RASGRF2: variants seen among roughly 807,000 people sequenced by gnomAD.
The protein encoded by RASGRF2 is Ras protein specific guanine nucleotide releasing factor 2, also known as ras-specific guanine nucleotide-releasing factor 2.
Under a neutral mutation model 151.0 loss-of-function variants are expected in RASGRF2, and 76 were observed. The observed-to-expected ratio is 0.50, with a 90% CI of 0.42 to 0.61. The LOEUF is 0.61. Among genes scored for constraint, RASGRF2 ranks in the 20% least tolerant of loss-of-function variants. The pLI is 0.00. For synonymous variants in RASGRF2, 504 were observed against 566.5 expected, an observed-to-expected ratio of 0.89 and a Z score of 1.57; for missense variants, 1,148 against 1,564.6, an observed-to-expected ratio of 0.73 and a Z score of 4.49.
Position 81,053,685 on chromosome 5 carries a change from C to G in RASGRF2, c.395+10702C>G, listed in dbSNP as rs183225191. The stretch of plus-strand genomic sequence containing the variant: ...CAAATGGTATTTCTAGTTCTAGATC[C>G]CTGAGGAATCGCCACACTGTCTTCC... On this transcript the variant is annotated intron_variant, in intron 2 of 26. Coordinates refer to ENST00000265080, the MANE Select transcript of RASGRF2 (RefSeq NM_006909.3). Among the ~76,000 whole-genome samples the G allele has an allele frequency of 5.8e-3, 887 of 152,200 alleles. 6 individuals carry two copies. The highest frequency in any genetic ancestry group is 6.6e-3 in the Non-Finnish European group (448 of 68,018).
chr5:81,206,600 C>T (rs1191620186), intron 19 of RASGRF2, among the ~76,000 whole-genome samples: 1 of 152,194 alleles, frequency 6.6e-6, no homozygotes, highest in African/African-American at 2.4e-5. Flanking sequence ...GTTTCATTTA[C>T]AACCTTGTAT....
chr5:81,142,994 G>A (rs952761952), intron 17 of RASGRF2, among the ~76,000 whole-genome samples: 13 of 152,168 alleles, frequency 8.5e-5, no homozygotes, highest in African/African-American at 2.6e-4. Flanking sequence ...TTATATCTTG[G>A]TTCTGTAGAA....
intron 17 of RASGRF2, among the ~76,000 whole-genome samples, chr5:81,176,777 C>A (rs1168401355): frequency 3.3e-5 from 5 of 152,102 alleles, no homozygotes; most frequent in Non-Finnish European, 7.4e-5. Context: ...ATGGGTATAC[C>A]ATACAATAGT....
chr5:81,040,002 GT>G (rs974691872), intron 1 of RASGRF2, among the ~76,000 whole-genome samples: 8 of 152,012 alleles, frequency 5.3e-5, no homozygotes, highest in Admixed American at 5.2e-4. Flanking sequence ...TAACTTTTTT[GT>G]TTGTTTGTTT....
intron 1 of RASGRF2, among the ~76,000 whole-genome samples, chr5:81,036,298 A>G (rs985765720): frequency 2.0e-5 from 3 of 151,976 alleles, no homozygotes; most frequent in African/African-American, 7.2e-5. Flanking sequence ...TCCTCCTGCC[A>G]TCTTCTTACC....
chr5:81,024,249 ATTTTTTTTT>A lies in RASGRF2; in HGVS notation c.289-18609_289-18601del, dbSNP rs397884951. On this transcript the variant is annotated intron_variant, in intron 1 of 26. Transcript: ENST00000265080. ...CTCCAGGACTAGAGGTATTCATATA[ATTTTTTTTT>A]TTTTTTTTTTTTTTTTTTGAGACAG... Among the ~76,000 whole-genome samples, 12 of 71,690 alleles carry A rather than the reference ATTTTTTTTT, an allele frequency of 1.7e-4. 1 individual carries two copies. Among genetic ancestry groups the A allele is most frequent in the Admixed American group, 5.7e-4 (3 of 5,292 alleles). 47.0% of individuals were successfully genotyped at this position (71,690 alleles called of 152,430 possible). A position where few individuals can be genotyped will look rare whatever the true frequency, so the allele number is the denominator to read the frequency against.
At chr5:81,209,203 T>C (rs1755578391) in intron 22 of RASGRF2, among the ~76,000 whole-genome samples, 1 of 152,152 alleles carries the variant, frequency 6.6e-6, no homozygotes, top group African/African-American at 2.4e-5. Flanking sequence ...ATTGTTGCTA[T>C]AGTTCTGTGC....
chr5:81,080,526 C>A, intron 6 of RASGRF2, 70 bp from the exon 7 acceptor site: 1 of 1,454,050 alleles, frequency 6.9e-7, no homozygotes. Flanking sequence ...CCACTCTTTG[C>A]CATTCCTGCC....
At chr5:81,021,427 C>T (rs1198139432) in intron 1 of RASGRF2, among the ~76,000 whole-genome samples, 1 of 152,140 alleles carries the variant, frequency 6.6e-6, no homozygotes, top group African/African-American at 2.4e-5. Context: ...GAGTAATCAA[C>T]TCAGTTAGAT....
rs1054236350 is a variant in RASGRF2, at chr5:80,960,599, C to T, written c.-140C>T. The T allele has an allele frequency of 7.1e-6, 6 of 847,044 alleles. No homozygotes were observed. Among genetic ancestry groups the T allele is most frequent in the Non-Finnish European group, 9.4e-6 (6 of 640,596 alleles). 52.5% of individuals were successfully genotyped at this position (847,044 alleles called of 1,614,324 possible). On this transcript the variant is annotated 5_prime_UTR_variant, in exon 1 of 27. Transcript: ENST00000265080. This position sits in a 1 kb window ranked among gnomAD's most constrained non-coding sequence, Gnocchi z 5.5. ...GGCCTCCCGAAAGCGGGCGGGGTGC[C>T]CTGCGCGCGGCGTGGGGAAAGGGGG...
At chr5:80,971,516 C>T (rs1200454254) in intron 1 of RASGRF2, among the ~76,000 whole-genome samples, 1 of 152,022 alleles carries the variant, frequency 6.6e-6, no homozygotes, top group African/African-American at 2.4e-5. Flanking sequence ...GATCCTCCCA[C>T]CTCAGCCTCC....
chr5:81,027,278 A>G (rs1358996441), intron 1 of RASGRF2, among the ~76,000 whole-genome samples: 2 of 152,104 alleles, frequency 1.3e-5, no homozygotes, highest in Admixed American at 6.5e-5. Flanking sequence ...CATCAACTGT[A>G]ACAAACATGT....
At chr5:81,032,320 A>G (rs971799277) in intron 1 of RASGRF2, among the ~76,000 whole-genome samples, 11 of 152,210 alleles carry the variant, frequency 7.2e-5, no homozygotes, top group Non-Finnish European at 1.2e-4. Context: ...TCTTGATACC[A>G]AAGCCTGGCA....
chr5:81,169,817 C>T (rs987253896), intron 17 of RASGRF2, among the ~76,000 whole-genome samples: 69 of 151,418 alleles, frequency 4.6e-4, no homozygotes, highest in Middle Eastern at 3.5e-3. Flanking sequence ...ATCACCTGCA[C>T]CACCTGCATC....
intron 19 of RASGRF2, chr5:81,204,229 C>T (rs1254576203): frequency 1.3e-5 from 2 of 152,228 alleles, no homozygotes; most frequent in African/African-American, 2.4e-5. Context: ...AGAAGCAAAT[C>T]TTTTCTCTAT....
rs149195850 is a variant in RASGRF2, at chr5:80,968,392, C to A, written c.288+7366C>A. On this transcript the variant is annotated intron_variant, in intron 1 of 26. Coordinates refer to ENST00000265080, the MANE Select transcript of RASGRF2 (RefSeq NM_006909.3). ...TGTTAGACCACTTTAAAGCAAGTTCCAGACATTGTATTATTTCACTTGTAA... is the reference window on the plus strand; with the variant it reads ...TGTTAGACCACTTTAAAGCAAGTTCAAGACATTGTATTATTTCACTTGTAA... Among the ~76,000 whole-genome samples, 174 of 152,110 alleles carry A rather than the reference C, an allele frequency of 1.1e-3. 1 individual carries two copies. The highest frequency in any genetic ancestry group is 1.8e-3 in the Admixed American group (27 of 15,274).
At chr5:81,181,729 T>A (rs926183475) in intron 18 of RASGRF2, among the ~76,000 whole-genome samples, 5 of 152,174 alleles carry the variant, frequency 3.3e-5, no homozygotes, top group Non-Finnish European at 7.3e-5. Flanking sequence ...GCATCTTAGA[T>A]AAGGCTGAGC....
chr5:81,064,383 C>T (rs891475311), intron 2 of RASGRF2, among the ~76,000 whole-genome samples: 2 of 152,148 alleles, frequency 1.3e-5, no homozygotes, highest in African/African-American at 4.8e-5. Flanking sequence ...TCTTATAAAC[C>T]GATCATGGAA....
chr5:81,207,815 C>A (rs758768707), intron 21 of RASGRF2, among the ~76,000 whole-genome samples: 13 of 152,158 alleles, frequency 8.5e-5, no homozygotes, highest in Non-Finnish European at 1.8e-4. Flanking sequence ...GCTTTTCAGC[C>A]CTGACCACCT....
Sources: allele counts gnomAD v4.1 joint callset (sites outside exome capture counted in the v4.1 genomes callset), GRCh38; gene constraint gnomAD v4.1.1; non-coding constraint Gnocchi (gnomAD v3.1); transcripts MANE v1.5; gene names NCBI Gene and HGNC (gene_info 2026-07-23, HGNC 2026-07-21).